ADAMTS2: variants seen among roughly 807,000 people sequenced by gnomAD.
ADAMTS2 encodes ADAM metallopeptidase with thrombospondin type 1 motif 2.
Under a neutral mutation model 123.0 loss-of-function variants are expected in ADAMTS2, and 50 were observed. The observed-to-expected ratio is 0.41, with a 90% CI of 0.32 to 0.51. The LOEUF (loss-of-function observed/expected upper bound fraction) is 0.51. ADAMTS2 is among the 20% of genes least tolerant of loss of function. ADAMTS2 has a pLI of 0.35. For missense variants in ADAMTS2, 1,494 were observed against 1,705.2 expected (o/e 0.88, Z 2.18); for synonymous variants, 678 against 695.4 (o/e 0.98, Z 0.39).
chr5:179,270,815 C>A (rs150079484), intron 3 of ADAMTS2, among the ~76,000 whole-genome samples: 1 of 152,198 alleles, frequency 6.6e-6, no homozygotes, highest in Non-Finnish European at 1.5e-5. Context: ...ACTGAAGGCC[C>A]GAGCCCCTCA....
Position 179,308,701 on chromosome 5 carries a change from C to T in ADAMTS2, c.534+35066G>A, listed in dbSNP as rs919570997. ...AAGTGCCTCCTTCCTAAGGTGGTGT[C>T]CCAGCAGATGAATCTGGCTGGCGTC... On this transcript the variant is annotated intron_variant, in intron 2 of 21. Transcript: ENST00000251582. This position sits in a 1 kb window ranked among gnomAD's most constrained non-coding sequence, Gnocchi z 6.6. 6.6e-6 allele frequency among the ~76,000 whole-genome samples: 1 copy of T among 152,196 alleles called. No individual in the cohort carries two copies. Among genetic ancestry groups the T allele is most frequent in the African/African-American group, 2.4e-5 (1 of 41,458 alleles).
At chr5:179,148,312 C>A (rs1012910844) in intron 10 of ADAMTS2, among the ~76,000 whole-genome samples, 1 of 152,162 alleles carries the variant, frequency 6.6e-6, no homozygotes, top group Admixed American at 6.5e-5. Flanking sequence ...GTTTATTCCT[C>A]AAGCTGTGGA....
chr5:179,240,615 G>T (rs1474205453), intron 3 of ADAMTS2, among the ~76,000 whole-genome samples: 4 of 152,128 alleles, frequency 2.6e-5, no homozygotes, highest in Non-Finnish European at 4.4e-5. Flanking sequence ...AATCCAGTGG[G>T]GAGTCCTTTT....
intron 17 of ADAMTS2, among the ~76,000 whole-genome samples, chr5:179,126,496 G>A (rs888483584): frequency 2.6e-5 from 4 of 152,212 alleles, no homozygotes; most frequent in African/African-American, 4.8e-5. Context: ...CCCGCAGCCC[G>A]CATGCTTCCT....
intron 3 of ADAMTS2, among the ~76,000 whole-genome samples, chr5:179,257,260 T>C (rs461542): frequency 0.95 from 143,932 of 152,290 alleles, 68,580 homozygotes; most frequent in East Asian, 1. Context: ...GGATATTGCC[T>C]AGAACAAAGG....
chr5:179,132,615 C>T lies in ADAMTS2; in HGVS notation c.2209+162G>A, dbSNP rs569147336. Among the ~76,000 whole-genome samples, 38 of 152,002 alleles carry T rather than the reference C, an allele frequency of 2.5e-4. No homozygotes were observed. Among genetic ancestry groups the T allele is most frequent in the African/African-American group, 8.9e-4 (37 of 41,488 alleles). Reference sequence around the variant, plus strand: ...CCTGGCACCCAGCTGGGGCTGTCCCCGACTTAGGATTCTCCCTCCCCCTCA... The same window carrying T: ...CCTGGCACCCAGCTGGGGCTGTCCCTGACTTAGGATTCTCCCTCCCCCTCA... On this transcript the variant is annotated intron_variant, in intron 14 of 21. Coordinates refer to ENST00000251582, the MANE Select transcript of ADAMTS2 (RefSeq NM_014244.5). The surrounding 1 kb of genome is among the most constrained non-coding windows in gnomAD (Gnocchi z 6.1).
In ADAMTS2 at chr5:179,317,311, C is replaced by A. The variant is rs1164454068; in HGVS notation, c.534+26456G>T. Among the ~76,000 whole-genome samples, 2 of 152,200 alleles carry A rather than the reference C, an allele frequency of 1.3e-5. No homozygotes were observed. The highest frequency in any genetic ancestry group is 3.8e-4 in the East Asian group (2 of 5,196). On this transcript the variant is annotated intron_variant, in intron 2 of 21. Transcript: ENST00000251582. The surrounding 1 kb of genome is among the most constrained non-coding windows in gnomAD (Gnocchi z 4.9). ...TGTCCCTGAAGATGGACTCAGCTAG[C>A]AGAGTCGCTGATATGGTAACACAAT...
chr5:179,169,625 T>A lies in ADAMTS2; in HGVS notation c.976-10746A>T, dbSNP rs1172892066. On this transcript the variant is annotated intron_variant, in intron 5 of 21. Transcript: ENST00000251582. ...GGCATGGGGTGTGTTTCCCACCTCA[T>A]CCCCTGTCCCAGATCCCCAGGGCCC... is the stretch of plus-strand genomic sequence containing the variant. Among the ~76,000 whole-genome samples the A allele has an allele frequency of 2.6e-5, 4 of 152,176 alleles. No individual in the cohort carries two copies. The East Asian group carries it at 7.8e-4, about 30-fold the overall frequency.
At position 179,155,846 on chromosome 5, in the gene ADAMTS2, A is replaced by G. The variant is rs767804764; in HGVS notation, c.1133-927T>C. 8.5e-5 allele frequency among the ~76,000 whole-genome samples: 13 copies of G among 152,054 alleles called. No individual in the cohort carries two copies. Among genetic ancestry groups the G allele is most frequent in the Admixed American group, 2.0e-4 (3 of 15,270 alleles). On this transcript the variant is annotated intron_variant, in intron 6 of 21. Transcript: ENST00000251582. The surrounding 1 kb of genome is among the most constrained non-coding windows in gnomAD (Gnocchi z 5.1). ...ACCCCAACCTGCCCTCACTCCTGCC[A>G]TGCCCCACTGAGAGACCCTGAGGCC...
At chr5:179,177,258 T>C (rs781185795) in intron 5 of ADAMTS2, among the ~76,000 whole-genome samples, 1 of 152,240 alleles carries the variant, frequency 6.6e-6, no homozygotes, top group South Asian at 2.1e-4. Flanking sequence ...ATTCCTAGGA[T>C]AAGCCCTAGA....
At chr5:179,279,870 G>C (rs1212939472) in intron 2 of ADAMTS2, among the ~76,000 whole-genome samples, 2 of 152,260 alleles carry the variant, frequency 1.3e-5, no homozygotes, top group Non-Finnish European at 2.9e-5. Flanking sequence ...TTTTCCAAAA[G>C]GGACGCCAGC....
chr5:179,223,829 GCA>G lies in ADAMTS2; in HGVS notation c.689-16116_689-16115del, dbSNP rs531248625. On this transcript the variant is annotated intron_variant, in intron 3 of 21. Transcript: ENST00000251582. ...GTGCATATGTGACATGCACACTCAGGCACACACATGCACACACACAAACGTGC... is the reference window on the plus strand; with the variant it reads ...GTGCATATGTGACATGCACACTCAGGCACACATGCACACACACAAACGTGC... Among the ~76,000 whole-genome samples the G allele has an allele frequency of 3.6e-3, 551 of 151,258 alleles. 2 individuals carry two copies. Among genetic ancestry groups the G allele is most frequent in the Non-Finnish European group, 5.9e-3 (402 of 67,682 alleles).
In ADAMTS2 at chr5:179,332,606, A is replaced by G. The variant is rs1757511340; in HGVS notation, c.534+11161T>C. On this transcript the variant is annotated intron_variant, in intron 2 of 21. Coordinates refer to ENST00000251582, the MANE Select transcript of ADAMTS2 (RefSeq NM_014244.5). This position sits in a 1 kb window ranked among gnomAD's most constrained non-coding sequence, Gnocchi z 4.2. ...AGACAGTACCTCAGTCTGTGACCCA[A>G]CCTGCATTGCCCCAGAAGCCCAGAC... Among the ~76,000 whole-genome samples the G allele has an allele frequency of 6.6e-6, 1 of 150,744 alleles. No individual in the cohort carries two copies. The highest frequency in any genetic ancestry group is 2.4e-5 in the African/African-American group (1 of 41,078).
At chr5:179,283,765 C>T (rs569291029) in intron 2 of ADAMTS2, among the ~76,000 whole-genome samples, 2 of 151,450 alleles carry the variant, frequency 1.3e-5, no homozygotes, top group East Asian at 3.9e-4. Context: ...GTGGTGCACA[C>T]CTGTAATCCC....
At position 179,207,704 on chromosome 5, in the gene ADAMTS2, C is replaced by T. The variant is rs769388945; in HGVS notation, c.700G>A (p.Asp234Asn). Residue 234 changes from aspartate (D) to asparagine (N), a missense_variant, in exon 4 of 22, where the codon GAC (aspartate) becomes AAC (asparagine). By Grantham distance (23) the Asp-to-Asn change is conservative. Around this residue, in one of 6 missense-constraint regions of ADAMTS2, gnomAD observed 184 missense variants for 152.1 expected, o/e 1.21. Coordinates refer to ENST00000251582, the MANE Select transcript of ADAMTS2 (RefSeq NM_014244.5). Reference protein sequence around the residue: ...PQALDTGASLDSLDSLSRALG... With the variant: ...PQALDTGASLNSLDSLSRALG... Reference sequence around the variant, plus strand: ...GCGCGGCTGAGGCTGTCCAGGCTGTCCAGGGAGGCCCCTGCAAGGAGAGGA... The same window carrying T: ...GCGCGGCTGAGGCTGTCCAGGCTGTTCAGGGAGGCCCCTGCAAGGAGAGGA... The T allele has an allele frequency of 4.3e-6, 7 of 1,611,178 alleles. No homozygotes were observed. The highest frequency in any genetic ancestry group is 5.9e-6 in the Non-Finnish European group (7 of 1,179,962).
At chr5:179,302,779 T>C (rs977986792) in intron 2 of ADAMTS2, among the ~76,000 whole-genome samples, 1 of 150,340 alleles carries the variant, frequency 6.7e-6, no homozygotes, top group Non-Finnish European at 1.5e-5. Flanking sequence ...GCCTAAATGA[T>C]TGGAAAGAGG....
In ADAMTS2 at chr5:179,130,221, C is replaced by T. The variant is rs377550832; in HGVS notation, c.2291-123G>A. 361 of 1,256,382 alleles carry T rather than the reference C, an allele frequency of 2.9e-4. No individual in the cohort carries two copies. The highest frequency in any genetic ancestry group is 2.7e-3 in the African/African-American group (182 of 67,864). The allele number at this position is 1,256,382 out of a possible 1,614,324, so 77.8% of individuals were successfully genotyped here. ...GACCCCTTGTCTCTCTGGCTGCCCCCGGCCAGTTTCCTCTGTGCCACGACA... is the reference window on the plus strand; with the variant it reads ...GACCCCTTGTCTCTCTGGCTGCCCCTGGCCAGTTTCCTCTGTGCCACGACA... On this transcript the variant is annotated intron_variant, in intron 15 of 21. Transcript: ENST00000251582. This position sits in a 1 kb window ranked among gnomAD's most constrained non-coding sequence, Gnocchi z 4.3.
chr5:179,147,642 G>A (rs925859971), intron 10 of ADAMTS2, among the ~76,000 whole-genome samples: 19 of 152,254 alleles, frequency 1.2e-4, no homozygotes, highest in Middle Eastern at 3.4e-3. Flanking sequence ...GCGGTGTGGC[G>A]AGTATTTCTG....
At position 179,122,753 on chromosome 5, in the gene ADAMTS2, G is replaced by A. The variant is rs747970179; in HGVS notation, c.2979C>T (p.Asn993=). 2.0e-5 allele frequency: 31 copies of A among 1,554,650 alleles called. No homozygotes were observed. The highest frequency in any genetic ancestry group is 1.5e-4 in the East Asian group (6 of 41,198). The part of the protein sequence containing the change: ...PWSQCSVTCG[N]GTQERPVLCR... ...AGAGCACTGGCCGCTCCTGGGTGCC[G>A]TTGCCACAGGTTACTGAGCACTGCA... The change falls in exon 20 of 22, where the codon AAC becomes AAT. Residue 993 remains asparagine, a synonymous_variant. Transcript: ENST00000251582.
Sources: gnomAD v4.1 joint callset for allele counts (sites outside exome capture counted in the v4.1 genomes callset) on GRCh38, gnomAD v4.1.1 for gene constraint, gnomAD v4.1.1 regional missense constraint, Gnocchi (gnomAD v3.1) non-coding constraint, MANE v1.5 for transcripts, NCBI Gene and HGNC (gene_info 2026-07-23, HGNC 2026-07-21) for gene names.